NALCN: variants seen among roughly 807,000 people sequenced by gnomAD.
The protein encoded by NALCN is sodium leak channel NALCN.
NALCN carries 111 observed loss-of-function variants against 225.3 expected under a neutral mutation model. That is an observed-to-expected ratio of 0.49 (90% CI 0.42 to 0.58). The LOEUF is 0.58. Among genes scored for constraint, NALCN ranks in the 20% least tolerant of loss-of-function variants. NALCN has a pLI of 0.00. For missense variants in NALCN, 1,378 were observed against 2,202.4 expected (o/e 0.63, Z 7.49); for synonymous variants, 764 against 769.0 (o/e 0.99, Z 0.11).
At chr13:101,334,604 G>A (rs1002634354) in intron 7 of NALCN, among the ~76,000 whole-genome samples, 8 of 151,970 alleles carry the variant, frequency 5.3e-5, no homozygotes, top group Admixed American at 1.3e-4. Context: ...ATTCACTCAC[G>A]CAATAAAGGC....
chr13:101,311,738 G>A (rs2139147091), intron 7 of NALCN, among the ~76,000 whole-genome samples: 2 of 152,250 alleles, frequency 1.3e-5, no homozygotes, highest in South Asian at 4.2e-4. Context: ...TAAGCTTTTT[G>A]ATGTGCTGCT....
At chr13:101,343,083 T>A (rs929916858) in intron 7 of NALCN, among the ~76,000 whole-genome samples, 3 of 152,148 alleles carry the variant, frequency 2.0e-5, no homozygotes, top group Non-Finnish European at 4.4e-5. Context: ...AATGCATGCA[T>A]GAAGAGATGA....
intron 1 of NALCN, among the ~76,000 whole-genome samples, chr13:101,405,987 G>A (rs2047608852): frequency 6.6e-6 from 1 of 151,988 alleles, no homozygotes; most frequent in Non-Finnish European, 1.5e-5. Context: ...AATGTTGGTT[G>A]AGGGGTTATT....
intron 3 of NALCN, among the ~76,000 whole-genome samples, chr13:101,379,341 T>C (rs1170027428): frequency 6.6e-6 from 1 of 152,166 alleles, no homozygotes; most frequent in Non-Finnish European, 1.5e-5. Context: ...AGAAATACCA[T>C]TTGACCTAGC....
At chr13:101,402,646 A>G (rs58212216) in intron 1 of NALCN, among the ~76,000 whole-genome samples, 243 of 152,142 alleles carry the variant, frequency 1.6e-3, no homozygotes, top group African/African-American at 5.6e-3. Context: ...TGTCTTCTCT[A>G]CTTAACCCCT....
chr13:101,100,353 C>T (rs1011151702), intron 27 of NALCN, among the ~76,000 whole-genome samples: 1 of 152,178 alleles, frequency 6.6e-6, no homozygotes, highest in Non-Finnish European at 1.5e-5. Context: ...TGACCACACT[C>T]AAGTTGTCAA....
intron 9 of NALCN, among the ~76,000 whole-genome samples, chr13:101,285,863 A>C (rs2043319493): frequency 6.6e-6 from 1 of 152,176 alleles, no homozygotes; most frequent in Non-Finnish European, 1.5e-5. Flanking sequence ...GCCAGTCACC[A>C]GTTATTAATA....
chr13:101,269,227 T>C (rs2042695137), intron 10 of NALCN, among the ~76,000 whole-genome samples: 2 of 150,354 alleles, frequency 1.3e-5, no homozygotes, highest in South Asian at 4.2e-4. Context: ...TATATATATA[T>C]ATATATATAT....
At chr13:101,394,602 C>G (rs1258491340) in intron 3 of NALCN, among the ~76,000 whole-genome samples, 1 of 152,122 alleles carries the variant, frequency 6.6e-6, no homozygotes, top group African/African-American at 2.4e-5. Flanking sequence ...TCTTCCTTTT[C>G]TTTCCCTTTC....
intron 10 of NALCN, 99 bp downstream of exon 10, chr13:101,283,834 T>G: frequency 9.8e-7 from 1 of 1,016,930 alleles, no homozygotes; most frequent in Non-Finnish European, 1.4e-6. Flanking sequence ...ATTTTAAATT[T>G]GGACAAATCT....
At chr13:101,075,286 C>G (rs535793148) in intron 35 of NALCN, among the ~76,000 whole-genome samples, 3 of 151,874 alleles carry the variant, frequency 2.0e-5, no homozygotes, top group African/African-American at 7.2e-5. Context: ...GAAACCCTGT[C>G]TCTACTAAAA....
intron 17 of NALCN, among the ~76,000 whole-genome samples, chr13:101,132,099 G>A (rs2036547902): frequency 6.6e-6 from 1 of 151,698 alleles, no homozygotes; most frequent in African/African-American, 2.4e-5. Context: ...ATGCTTGGAG[G>A]ATTAATTTAA....
chr13:101,358,415 A>T (rs1175253764), intron 6 of NALCN, among the ~76,000 whole-genome samples: 1 of 152,210 alleles, frequency 6.6e-6, no homozygotes, highest in East Asian at 1.9e-4. Context: ...TCAAAAGAAG[A>T]TATTTATGCA....
intron 6 of NALCN, among the ~76,000 whole-genome samples, chr13:101,352,930 A>C (rs1689491648): frequency 6.6e-6 from 1 of 152,192 alleles, no homozygotes; most frequent in African/African-American, 2.4e-5. Flanking sequence ...GCTACAATAC[A>C]TTTCTGAAGT....
At chr13:101,401,816 T>C (rs1042735695) in intron 1 of NALCN, among the ~76,000 whole-genome samples, 4 of 152,140 alleles carry the variant, frequency 2.6e-5, no homozygotes, top group African/African-American at 9.7e-5. Flanking sequence ...AATCCACACA[T>C]ACATAAAAAC....
chr13:101,292,344 A>G lies in NALCN; in HGVS notation c.822T>C (p.Tyr274=). ...CCCAGCCTTCCTGTGAGGCGGCCTCATAGACGGTGAATATACTAGTTCCTG... is the reference window on the plus strand; with the variant it reads ...CCCAGCCTTCCTGTGAGGCGGCCTCGTAGACGGTGAATATACTAGTTCCTG... ...NEIGTSIFTV[Y]EAASQEGWVF... The change falls in exon 8 of 44, where the codon TAT becomes TAC. Residue 274 remains tyrosine, a synonymous_variant. Transcript: ENST00000251127. The surrounding 1 kb of genome is among the most constrained non-coding windows in gnomAD (Gnocchi z 4.3). The G allele has an allele frequency of 6.8e-6, 11 of 1,614,126 alleles. No homozygotes were observed. Among genetic ancestry groups the G allele is most frequent in the Non-Finnish European group, 8.5e-6 (10 of 1,180,006 alleles).
intron 3 of NALCN, among the ~76,000 whole-genome samples, chr13:101,387,462 G>A (rs1275391840): frequency 2.0e-5 from 3 of 152,054 alleles, no homozygotes; most frequent in Non-Finnish European, 4.4e-5. Context: ...ACTATGAAAA[G>A]TGTAACCTGA....
intron 7 of NALCN, among the ~76,000 whole-genome samples, chr13:101,330,964 T>C (rs182269325): frequency 1.1e-4 from 16 of 152,340 alleles, no homozygotes; most frequent in Admixed American, 9.1e-4. Flanking sequence ...TGTGAATCTA[T>C]TAAATCTTTT....
rs2035018726 is a variant in NALCN, at chr13:101,104,934, C to G, written c.2596G>C (p.Val866Leu). Residue 866 changes from valine (V) to leucine (L), a missense_variant, in exon 23 of 44, where the codon GTC becomes CTC. Physicochemically the swap from Val to Leu is conservative, Grantham distance 32. Around this residue, in one of 19 missense-constraint regions of NALCN, gnomAD observed 292 missense variants for 409.5 expected, o/e 0.71. Transcript: ENST00000251127. The surrounding 1 kb of genome is among the most constrained non-coding windows in gnomAD (Gnocchi z 4.2). The stretch of plus-strand genomic sequence containing the variant: ...TTTGTATTTTTCACAGCTCCTGTGA[C>G]AGGGTCTGTTTTAGATCTGTAAGAG... ...ARFNASKTDP[V>L]TGAVKNTKYH... 3 of 1,613,662 alleles carry G rather than the reference C, an allele frequency of 1.9e-6. No individual in the cohort carries two copies. Among genetic ancestry groups the G allele is most frequent in the African/African-American group, 2.7e-5 (2 of 75,008 alleles).
Sources: allele counts gnomAD v4.1 joint callset (sites outside exome capture counted in the v4.1 genomes callset), GRCh38; gene constraint gnomAD v4.1.1; regional missense constraint gnomAD v4.1.1; non-coding constraint Gnocchi (gnomAD v3.1); transcripts MANE v1.5; gene names NCBI Gene and HGNC (gene_info 2026-07-23, HGNC 2026-07-21).